The following CYP39A1 variants were observed in gnomAD, a reference collection of about 807,000 sequenced individuals.
CYP39A1 encodes the protein 24-hydroxycholesterol 7-alpha-hydroxylase.
In CYP39A1, 49 loss-of-function variants were observed where a neutral mutation model predicts 58.1. The ratio of observed to expected loss-of-function variants is 0.84; its 90% CI spans 0.67 to 1.07. CYP39A1 has a LOEUF of 1.07. Among genes scored for constraint, CYP39A1 ranks in the 50% least tolerant of loss-of-function variants. The pLI is 0.00. For missense variants in CYP39A1, 531 were observed against 539.4 expected, an observed-to-expected ratio of 0.98 and a Z score of 0.16; for synonymous variants, 209 against 187.6, an observed-to-expected ratio of 1.11 and a Z score of -0.93.
Position 46,652,367 on chromosome 6 carries a change from T to C in CYP39A1, c.177+39A>G, listed in dbSNP as rs149779687. On this transcript the variant is annotated intron_variant, in intron 1 of 11. Transcript: ENST00000275016. The stretch of plus-strand genomic sequence containing the variant: ...GAAAGAAAGTTTAAAAAAGAAAGCA[T>C]TGTCTCCTCTGGAGACCCCGTCTGC... 1,572 of 1,553,494 alleles carry C rather than the reference T, an allele frequency of 1.0e-3. 14 individuals carry two copies. In the African/African-American group the frequency reaches 0.016, roughly 16 times the overall value.
intron 7 of CYP39A1, among the ~76,000 whole-genome samples, chr6:46,622,259 T>G (rs2150567827): frequency 6.6e-6 from 1 of 152,206 alleles, no homozygotes; most frequent in African/African-American, 2.4e-5. Flanking sequence ...TGTTGATGGT[T>G]GCAATCTTAT....
chr6:46,553,676 C>T (rs879132441), intron 11 of CYP39A1, 91 bp downstream of exon 11: 3 of 820,434 alleles, frequency 3.7e-6, no homozygotes, highest in Admixed American at 2.0e-5. Context: ...GAAATGTCAG[C>T]TCATCTCTAG....
Position 46,630,975 on chromosome 6 carries a change from A to G in CYP39A1, c.828T>C (p.Ser276=), listed in dbSNP as rs1775622231. ...YGLLLLWASL[S]NAVPVAFWTL... The stretch of plus-strand genomic sequence containing the variant: ...CTAATATACTTACAGGAACAGCATT[A>G]GACAGAGAAGCCCAAAGCAGTAAGA... The change falls in exon 6 of 12, where the codon TCT becomes TCC. Residue 276 remains serine (S), a synonymous_variant. Coordinates refer to ENST00000275016, the MANE Select transcript of CYP39A1 (RefSeq NM_016593.5). The G allele has an allele frequency of 6.2e-7, 1 of 1,612,614 alleles. No homozygotes were observed. The highest frequency in any genetic ancestry group is 1.3e-5 in the African/African-American group (1 of 74,974).
intron 7 of CYP39A1, among the ~76,000 whole-genome samples, chr6:46,615,745 A>C (rs1363595560): frequency 6.6e-6 from 1 of 152,030 alleles, no homozygotes; most frequent in Non-Finnish European, 1.5e-5. Context: ...AAAAAAAAAA[A>C]AGGACAAACA....
At chr6:46,639,298 G>C (rs890295862) in intron 3 of CYP39A1, among the ~76,000 whole-genome samples, 196 bp downstream of exon 3, 10 of 151,368 alleles carry the variant, frequency 6.6e-5, no homozygotes, top group Non-Finnish European at 1.0e-4. Context: ...AACTGAATTA[G>C]AATTTAAAAG....
intron 10 of CYP39A1, among the ~76,000 whole-genome samples, chr6:46,561,320 C>G (rs995385566): frequency 1.3e-5 from 2 of 152,082 alleles, no homozygotes; most frequent in Non-Finnish European, 1.5e-5. Context: ...TCCAACTTCT[C>G]TGAGTTCAGC....
intron 10 of CYP39A1, among the ~76,000 whole-genome samples, chr6:46,558,715 C>T (rs576392922): frequency 1.3e-5 from 2 of 151,914 alleles, no homozygotes; most frequent in East Asian, 1.9e-4. Flanking sequence ...AGGTGATTGT[C>T]GGCCGGGCAC....
At chr6:46,557,709 A>G (rs2150479896) in intron 10 of CYP39A1, among the ~76,000 whole-genome samples, 1 of 151,098 alleles carries the variant, frequency 6.6e-6, no homozygotes, top group Non-Finnish European at 1.5e-5. Flanking sequence ...GAGGCCGAGG[A>G]GGGCAGATCA....
At chr6:46,593,844 G>T (rs192592146) in intron 8 of CYP39A1, among the ~76,000 whole-genome samples, 19 of 152,132 alleles carry the variant, frequency 1.2e-4, no homozygotes, top group African/African-American at 4.6e-4. Flanking sequence ...ACCCTTTCAT[G>T]GTGCACTTGA....
At chr6:46,644,383 C>G (rs1358083271) in intron 1 of CYP39A1, among the ~76,000 whole-genome samples, 1 of 152,052 alleles carries the variant, frequency 6.6e-6, no homozygotes, top group Non-Finnish European at 1.5e-5. Context: ...GAAGGCTGGG[C>G]TAGACATGCC....
Position 46,652,568 on chromosome 6 carries a change from G to A in CYP39A1, c.15C>T (p.Ser5=). 6.2e-7 allele frequency: 1 copy of A among 1,604,220 alleles called. No homozygotes were observed. Residue 5 remains serine, a synonymous_variant, in exon 1 of 12, where the codon TCC becomes TCT. Transcript: ENST00000275016. The part of the protein sequence containing the change: MELI[S]PTVIIILGCL... Reference sequence around the variant, plus strand: ...AACCCAGGATTATAATCACTGTTGGGGAAATTAGTTCCATGTTTTTGTCCA... The same window carrying A: ...AACCCAGGATTATAATCACTGTTGGAGAAATTAGTTCCATGTTTTTGTCCA...
At position 46,587,736 on chromosome 6, in the gene CYP39A1, C is replaced by T. The variant is rs73463106; in HGVS notation, c.1161+298G>A. ...ATGACAGAAGCAATTGCCTGAAGAA[C>T]ATGAAATAAGTCTTCTATCAAAAAC... On this transcript the variant is annotated intron_variant, in intron 9 of 11. Coordinates refer to ENST00000275016, the MANE Select transcript of CYP39A1 (RefSeq NM_016593.5). Among the ~76,000 whole-genome samples the T allele has an allele frequency of 6.9e-3, 1,046 of 152,242 alleles. 18 individuals carry two copies. The highest frequency in any genetic ancestry group is 0.024 in the African/African-American group (983 of 41,554).
At chr6:46,581,249 A>AT (rs910056672) in intron 10 of CYP39A1, among the ~76,000 whole-genome samples, 4 of 151,984 alleles carry the variant, frequency 2.6e-5, no homozygotes, top group African/African-American at 7.2e-5. Context: ...CTCTACTAAA[A>AT]TTTTTTTTAA....
At chr6:46,600,357 G>A (rs2150530532) in intron 7 of CYP39A1, among the ~76,000 whole-genome samples, 1 of 152,148 alleles carries the variant, frequency 6.6e-6, no homozygotes, top group East Asian at 1.9e-4. Flanking sequence ...CTGACCTCTA[G>A]TGATCTGCCC....
chr6:46,565,534 G>A (rs1014621667), intron 10 of CYP39A1, among the ~76,000 whole-genome samples: 1 of 152,066 alleles, frequency 6.6e-6, no homozygotes, highest in Admixed American at 6.6e-5. Flanking sequence ...AAAAGGAGAT[G>A]AGAAAGTGTA....
At chr6:46,594,564 A>T (rs1168775792) in intron 8 of CYP39A1, among the ~76,000 whole-genome samples, 1 of 152,092 alleles carries the variant, frequency 6.6e-6, no homozygotes, top group Non-Finnish European at 1.5e-5. Flanking sequence ...TAGAAAATGG[A>T]CAGTTTCTTC....
At chr6:46,555,294 C>G (rs1770617156) in intron 10 of CYP39A1, among the ~76,000 whole-genome samples, 1 of 152,172 alleles carries the variant, frequency 6.6e-6, no homozygotes, top group African/African-American at 2.4e-5. Context: ...TAACTGTCCT[C>G]CAGGCTGTAG....
At position 46,642,312 on chromosome 6, in the gene CYP39A1, A is replaced by G; in HGVS notation, c.178-14T>C. 6.2e-7 allele frequency: 1 copy of G among 1,606,782 alleles called. No individual in the cohort carries two copies. Among genetic ancestry groups the G allele is most frequent in the Non-Finnish European group, 8.5e-7 (1 of 1,176,740 alleles). ...TATTGGTCCATACTGAAATAAAACA[A>G]ACATAGATTATATTAGTAAGCATTC... On this transcript the variant is annotated splice_polypyrimidine_tract_variant and intron_variant, in intron 1 of 11. Coordinates refer to ENST00000275016, the MANE Select transcript of CYP39A1 (RefSeq NM_016593.5).
chr6:46,576,866 C>T (rs1340915709), intron 10 of CYP39A1, among the ~76,000 whole-genome samples: 2 of 152,184 alleles, frequency 1.3e-5, no homozygotes, highest in Non-Finnish European at 2.9e-5. Context: ...AAACCTACAA[C>T]TTATTGGCAT....
Sources: allele counts gnomAD v4.1 joint callset (sites outside exome capture counted in the v4.1 genomes callset), GRCh38; gene constraint gnomAD v4.1.1; transcripts MANE v1.5; gene names NCBI Gene and HGNC (gene_info 2026-07-23, HGNC 2026-07-21).